Variants in NCAM2 observed in about 807,000 individuals in gnomAD.
NCAM2 encodes the protein N-CAM-2.
NCAM2 carries 30 observed loss-of-function variants against 98.1 expected under a neutral mutation model. The ratio of observed to expected loss-of-function variants is 0.31; its 90% CI spans 0.23 to 0.41. The LOEUF (loss-of-function observed/expected upper bound fraction) is 0.41. NCAM2 is among the 10% of genes least tolerant of loss of function. The probability of loss-of-function intolerance (pLI) is 1.00; values close to 1 mark genes in which losing one functional copy is unlikely to be tolerated. For synonymous variants in NCAM2, 368 were observed against 342.4 expected (o/e 1.07, Z -0.83); for missense variants, 867 against 1,005.8 (o/e 0.86, Z 1.87).
chr21:21,031,098 G>T (rs1399363486), intron 1 of NCAM2, among the ~76,000 whole-genome samples: 2 of 152,024 alleles, frequency 1.3e-5, no homozygotes, highest in Non-Finnish European at 2.9e-5. Flanking sequence ...TCTAATCTAT[G>T]ATTCCTTTTG....
At chr21:21,263,022 A>T (rs1462918729) in intron 1 of NCAM2, among the ~76,000 whole-genome samples, 1 of 152,096 alleles carries the variant, frequency 6.6e-6, no homozygotes, top group African/African-American at 2.4e-5. Context: ...GGAATTCAAT[A>T]TGAGATTTGG....
intron 12 of NCAM2, among the ~76,000 whole-genome samples, chr21:21,464,928 T>A (rs1415093108): frequency 6.6e-6 from 1 of 152,108 alleles, no homozygotes; most frequent in African/African-American, 2.4e-5. Flanking sequence ...ATCAGTAGGA[T>A]TTCTGTGCCA....
Position 21,069,658 on chromosome 21 carries a change from G to A in NCAM2, c.55+71040G>A, listed in dbSNP as rs2065517262. 2.0e-5 allele frequency among the ~76,000 whole-genome samples: 3 copies of A among 151,916 alleles called. No homozygotes were observed. The South Asian group carries it at 6.2e-4, about 32-fold the overall frequency. On this transcript the variant is annotated intron_variant, in intron 1 of 17. Transcript: ENST00000400546. The stretch of plus-strand genomic sequence containing the variant: ...TGTATGACACAAATTGTGGGACTAG[G>A]TTAATACCATGATGCCTGTACTTTT...
chr21:21,266,303 C>T (rs1472790204), intron 1 of NCAM2, among the ~76,000 whole-genome samples: 1 of 152,000 alleles, frequency 6.6e-6, no homozygotes, highest in East Asian at 1.9e-4. Flanking sequence ...ATTTAAGTAA[C>T]ATTATAGATG....
intron 1 of NCAM2, among the ~76,000 whole-genome samples, chr21:21,215,142 T>C (rs1345063151): frequency 6.6e-6 from 1 of 152,114 alleles, no homozygotes; most frequent in African/African-American, 2.4e-5. Context: ...AATATGGTGC[T>C]GTATTGGGAG....
At chr21:21,029,192 T>C (rs904135476) in intron 1 of NCAM2, among the ~76,000 whole-genome samples, 2 of 152,232 alleles carry the variant, frequency 1.3e-5, no homozygotes, top group Non-Finnish European at 2.9e-5. Flanking sequence ...TACAATGATC[T>C]TCTTTCTTCT....
chr21:21,373,026 C>A (rs1165754133), intron 8 of NCAM2, among the ~76,000 whole-genome samples: 1 of 151,568 alleles, frequency 6.6e-6, no homozygotes, highest in Non-Finnish European at 1.5e-5. Context: ...TTGTTATATT[C>A]CAATAAAGTT....
chr21:21,311,015 A>G (rs966094235), intron 5 of NCAM2, among the ~76,000 whole-genome samples: 2 of 152,228 alleles, frequency 1.3e-5, no homozygotes, highest in Non-Finnish European at 2.9e-5. Context: ...ACTTAAAATC[A>G]GGTAGTATCA....
At chr21:21,412,070 A>G (rs2076897719) in intron 10 of NCAM2, among the ~76,000 whole-genome samples, 1 of 152,136 alleles carries the variant, frequency 6.6e-6, no homozygotes, top group African/African-American at 2.4e-5. Flanking sequence ...TGAATACTTT[A>G]ATAAAATACT....
chr21:21,291,264 A>G (rs903326904), intron 4 of NCAM2, among the ~76,000 whole-genome samples: 1 of 151,870 alleles, frequency 6.6e-6, no homozygotes, highest in Non-Finnish European at 1.5e-5. Flanking sequence ...AAGAGTTTCA[A>G]AATTGGACTA....
intron 6 of NCAM2, among the ~76,000 whole-genome samples, chr21:21,332,664 AT>A (rs1246311899): frequency 6.6e-6 from 1 of 152,048 alleles, no homozygotes; most frequent in Non-Finnish European, 1.5e-5. Flanking sequence ...CTTCTCTCAC[AT>A]TATCTAACCT....
intron 4 of NCAM2, among the ~76,000 whole-genome samples, chr21:21,291,176 C>A (rs909631778): frequency 6.6e-6 from 1 of 151,834 alleles, no homozygotes; most frequent in South Asian, 2.1e-4. Flanking sequence ...GTCTTATATA[C>A]AGTATCCAGC....
At chr21:21,508,808 C>CTTTTGTTTTTTTTTTTTTTTTTT (rs1988157270) in intron 15 of NCAM2, 43 bp from the exon 16 acceptor site, 1 of 404,442 alleles carries the variant, frequency 2.5e-6, no homozygotes, top group Non-Finnish European at 3.7e-6. Flanking sequence ...ACTTTTTTTC[C>CTTTTGTTTTTTTTTTTTTTTTTT]TTTTTTTTTT....
At chr21:21,091,725 AGT>A (rs1319609868) in intron 1 of NCAM2, among the ~76,000 whole-genome samples, 1 of 152,190 alleles carries the variant, frequency 6.6e-6, no homozygotes, top group Non-Finnish European at 1.5e-5. Context: ...AATACTTTCA[AGT>A]ATACTAATTA....
chr21:21,176,446 A>G (rs886446451), intron 1 of NCAM2, among the ~76,000 whole-genome samples: 1 of 152,114 alleles, frequency 6.6e-6, no homozygotes, highest in African/African-American at 2.4e-5. Context: ...TCTATCTTTC[A>G]TATATATTGC....
At chr21:21,532,200 A>T (rs1989743056) in intron 16 of NCAM2, among the ~76,000 whole-genome samples, 1 of 152,028 alleles carries the variant, frequency 6.6e-6, no homozygotes, top group South Asian at 2.1e-4. Context: ...ACATACATAC[A>T]ACAGCATAGT....
At chr21:21,198,077 A>T (rs1467388682) in intron 1 of NCAM2, among the ~76,000 whole-genome samples, 1 of 152,150 alleles carries the variant, frequency 6.6e-6, no homozygotes, top group African/African-American at 2.4e-5. Context: ...AACATATATG[A>T]AAACCATTTT....
intron 14 of NCAM2, among the ~76,000 whole-genome samples, chr21:21,472,683 A>T (rs1405269173): frequency 3.0e-5 from 4 of 132,738 alleles, no homozygotes; most frequent in African/African-American, 9.6e-5. Context: ...AATATGAGAA[A>T]TAAGAAACAC....
At chr21:21,499,184 A>G (rs1210351414) in intron 15 of NCAM2, among the ~76,000 whole-genome samples, 1 of 152,232 alleles carries the variant, frequency 6.6e-6, no homozygotes, top group African/African-American at 2.4e-5. Context: ...AAAGTAGAAG[A>G]ATGGAAATGA....
Sources: allele counts gnomAD v4.1 joint callset (sites outside exome capture counted in the v4.1 genomes callset), GRCh38; gene constraint gnomAD v4.1.1; transcripts MANE v1.5; gene names NCBI Gene and HGNC (gene_info 2026-07-23, HGNC 2026-07-21).